GPC5: variants seen among roughly 807,000 people sequenced by gnomAD.
GPC5 encodes glypican 5.
A neutral mutation model predicts 53.9 loss-of-function variants in GPC5; 47 were observed. The observed-to-expected ratio is 0.87, with a 90% CI of 0.69 to 1.11. The LOEUF (loss-of-function observed/expected upper bound fraction) is 1.11, where lower values mean the gene tolerates loss of function less well. GPC5 is among the 50% of genes most tolerant of loss of function. GPC5 has a pLI of 0.00. For synonymous variants in GPC5, 286 were observed against 263.3 expected (o/e 1.09, Z -0.84); for missense variants, 748 against 713.1 (o/e 1.05, Z -0.56).
chr13:91,511,362 C>T (rs1364908302), intron 2 of GPC5, among the ~76,000 whole-genome samples: 1 of 151,986 alleles, frequency 6.6e-6, no homozygotes, highest in African/African-American at 2.4e-5. Flanking sequence ...CATTATTTGG[C>T]TTCTCTTAAT....
intron 7 of GPC5, among the ~76,000 whole-genome samples, chr13:92,377,377 G>C (rs1028229353): frequency 6.6e-6 from 1 of 152,170 alleles, no homozygotes; most frequent in African/African-American, 2.4e-5. Flanking sequence ...GGAAGGCCTA[G>C]ATTCACTGTA....
At chr13:92,313,129 A>G (rs2043156632) in intron 7 of GPC5, among the ~76,000 whole-genome samples, 1 of 152,198 alleles carries the variant, frequency 6.6e-6, no homozygotes, top group East Asian at 1.9e-4. Context: ...TCTCCATGAA[A>G]TGATAATTCC....
At chr13:92,589,841 A>C (rs1019084383) in intron 7 of GPC5, among the ~76,000 whole-genome samples, 1 of 152,230 alleles carries the variant, frequency 6.6e-6, no homozygotes, top group Non-Finnish European at 1.5e-5. Flanking sequence ...GTATAATCCT[A>C]CTTACTTAAG....
At chr13:92,613,581 T>C (rs1263635080) in intron 7 of GPC5, among the ~76,000 whole-genome samples, 1 of 126,686 alleles carries the variant, frequency 7.9e-6, no homozygotes, top group Non-Finnish European at 1.6e-5. Context: ...TAATATATAA[T>C]ATTTTATATA....
chr13:91,926,359 TAAAAA>T (rs34690525), intron 6 of GPC5, among the ~76,000 whole-genome samples: 3 of 96,320 alleles, frequency 3.1e-5, no homozygotes, highest in Admixed American at 2.4e-4. Flanking sequence ...AGACTCCACC[TAAAAA>T]AAAAAAAAAA....
At chr13:91,831,558 A>G (rs1357311566) in intron 5 of GPC5, among the ~76,000 whole-genome samples, 1 of 151,998 alleles carries the variant, frequency 6.6e-6, no homozygotes, top group Non-Finnish European at 1.5e-5. Context: ...TTTTCTATAA[A>G]TTTGAAATTA....
At chr13:92,002,822 T>C (rs534063700) in intron 6 of GPC5, among the ~76,000 whole-genome samples, 73 of 152,198 alleles carry the variant, frequency 4.8e-4, no homozygotes, top group Non-Finnish European at 1.0e-3. Context: ...CTTTATTCAG[T>C]TGATATGAGC....
intron 5 of GPC5, among the ~76,000 whole-genome samples, chr13:91,853,402 C>A (rs777404182): frequency 2.6e-5 from 4 of 151,836 alleles, no homozygotes; most frequent in Non-Finnish European, 5.9e-5. Context: ...TTTAAAGAAG[C>A]ATGAGAAATT....
intron 6 of GPC5, among the ~76,000 whole-genome samples, chr13:91,993,074 C>T (rs375572859): frequency 2.0e-5 from 3 of 152,126 alleles, no homozygotes; most frequent in Admixed American, 6.5e-5. Flanking sequence ...AAATAACTGG[C>T]GTTGATTATT....
At chr13:91,842,704 C>CA (rs58660493) in intron 5 of GPC5, among the ~76,000 whole-genome samples, 1,923 of 58,742 alleles carry the variant, frequency 0.033, 161 homozygotes, top group African/African-American at 0.043. Context: ...GACTCCGTCT[C>CA]AAAAAAAAAA....
At chr13:92,240,960 G>C (rs1343303351) in intron 7 of GPC5, 2 of 152,150 alleles carry the variant, frequency 1.3e-5, no homozygotes, top group African/African-American at 4.8e-5. Flanking sequence ...TATAGCTAGA[G>C]GGAGAAACTA....
intron 7 of GPC5, among the ~76,000 whole-genome samples, chr13:92,831,811 T>C (rs1336819210): frequency 6.6e-6 from 1 of 152,180 alleles, no homozygotes; most frequent in Non-Finnish European, 1.5e-5. Flanking sequence ...GTTTCTTCCA[T>C]GTGGCCAAGT....
At chr13:91,640,694 G>T (rs1456079192) in intron 2 of GPC5, among the ~76,000 whole-genome samples, 7 of 151,934 alleles carry the variant, frequency 4.6e-5, no homozygotes, top group Non-Finnish European at 8.8e-5. Context: ...AGCTACTCAG[G>T]AGTCTGAGGC....
At chr13:91,459,435 C>G (rs961966463) in intron 2 of GPC5, among the ~76,000 whole-genome samples, 4 of 152,022 alleles carry the variant, frequency 2.6e-5, no homozygotes, top group Admixed American at 2.6e-4. Flanking sequence ...TTCTATATCT[C>G]TTATGATCCT....
intron 7 of GPC5, among the ~76,000 whole-genome samples, chr13:92,208,578 A>G (rs1190744993): frequency 1.3e-5 from 2 of 152,352 alleles, no homozygotes; most frequent in Middle Eastern, 6.8e-3. Flanking sequence ...AAGGATGGGG[A>G]AGGATAGAAT....
At chr13:91,502,206 T>G (rs1884676585) in intron 2 of GPC5, among the ~76,000 whole-genome samples, 1 of 152,142 alleles carries the variant, frequency 6.6e-6, no homozygotes, top group Non-Finnish European at 1.5e-5. Context: ...GCCTGTTCAC[T>G]CTGATGGTAG....
At chr13:92,047,806 T>TAAAAAAA (rs35020183) in intron 6 of GPC5, among the ~76,000 whole-genome samples, 2 of 98,802 alleles carry the variant, frequency 2.0e-5, no homozygotes, top group African/African-American at 4.2e-5. Context: ...CTGTCTCTAC[T>TAAAAAAA]AAAAAAAAAA....
chr13:92,699,059 CT>C (rs563594950), intron 7 of GPC5, among the ~76,000 whole-genome samples: 4 of 151,100 alleles, frequency 2.6e-5, no homozygotes, highest in Non-Finnish European at 5.9e-5. Flanking sequence ...TGGTCCTAGA[CT>C]TTTTTTTTGG....
At chr13:92,438,816 A>T (rs1000068510) in intron 7 of GPC5, among the ~76,000 whole-genome samples, 1 of 152,114 alleles carries the variant, frequency 6.6e-6, no homozygotes, top group Non-Finnish European at 1.5e-5. Context: ...GAGGTCAAGA[A>T]TGATGCCTAG....
Sources: allele counts gnomAD v4.1 joint callset (sites outside exome capture counted in the v4.1 genomes callset), GRCh38; gene constraint gnomAD v4.1.1; transcripts MANE v1.5; gene names NCBI Gene and HGNC (gene_info 2026-07-23, HGNC 2026-07-21).